ACP2: variants seen among roughly 807,000 people sequenced by gnomAD.
ACP2 encodes the protein acid phosphatase 2, lysosomal, also known as lysosomal acid phosphatase.
Under a neutral mutation model 54.7 loss-of-function variants are expected in ACP2, and 35 were observed. The observed-to-expected ratio is 0.64, with a 90% CI of 0.49 to 0.85. ACP2 has a LOEUF of 0.85. Among genes scored for constraint, ACP2 ranks in the 40% least tolerant of loss-of-function variants. ACP2 has a pLI of 0.00. For missense variants in ACP2, 492 were observed against 565.0 expected, an observed-to-expected ratio of 0.87 and a Z score of 1.31; for synonymous variants, 210 against 224.4, an observed-to-expected ratio of 0.94 and a Z score of 0.57.
Position 47,239,351 on chromosome 11 carries a change from GC to G in ACP2, c.*764del, listed in dbSNP as rs1953807564. 5.0e-6 allele frequency: 1 copy of G among 199,656 alleles called. No homozygotes were observed. Among genetic ancestry groups the G allele is most frequent in the South Asian group, 1.3e-4 (1 of 7,986 alleles). The allele number at this position is 199,656 out of a possible 1,614,324, so 12.4% of individuals were successfully genotyped here. On this transcript the variant is annotated 3_prime_UTR_variant, in exon 11 of 11. Coordinates refer to ENST00000672073, the MANE Select transcript of ACP2 (RefSeq NM_001610.4). ...TATTCATTCTCTGGGAGCTGCCCCAGCCCTATTCTGGGCCACAGTCTAGAAC... is the reference window on the plus strand; with the variant it reads ...TATTCATTCTCTGGGAGCTGCCCCAGCCTATTCTGGGCCACAGTCTAGAAC...
chr11:47,248,766 C>A lies in ACP2; in HGVS notation c.24G>T (p.Trp8Cys). 6.2e-7 allele frequency: 1 copy of A among 1,600,312 alleles called. No homozygotes were observed. The highest frequency in any genetic ancestry group is 8.5e-7 in the Non-Finnish European group (1 of 1,173,676). The change falls in exon 1 of 11, where the codon TGG becomes TGT. Residue 8 changes from tryptophan to cysteine, a missense_variant. Physicochemically the swap from Trp to Cys is radical, Grantham distance 215. Transcript: ENST00000672073. Reference protein sequence around the residue: MAGKRSGWSRAALLQLLL... With the variant: MAGKRSGCSRAALLQLLL... ...GGAGCTGGAGGAGAGCCGCCCGGCTCCAGCCGGACCGCTTGCCCGCCATCA... is the reference window on the plus strand; with the variant it reads ...GGAGCTGGAGGAGAGCCGCCCGGCTACAGCCGGACCGCTTGCCCGCCATCA...
At chr11:47,248,233 C>T in intron 1 of ACP2, 100 bp from the exon 2 acceptor site, 4 of 1,263,278 alleles carry the variant, frequency 3.2e-6, no homozygotes, top group African/African-American at 3.0e-5. Flanking sequence ...AGTCTCATTC[C>T]CTCTGGGAAG....
intron 6 of ACP2, 21 bp from the exon 7 acceptor site, chr11:47,244,888 G>A (rs765326310): frequency 6.3e-7 from 1 of 1,586,132 alleles, no homozygotes; most frequent in East Asian, 2.3e-5. Flanking sequence ...CAGCAGGCAG[G>A]TTAGCGCCCC....
chr11:47,247,766 A>T, intron 2 of ACP2, 39 bp from the exon 3 acceptor site: 1 of 1,599,706 alleles, frequency 6.3e-7, no homozygotes, highest in African/African-American at 1.3e-5. Context: ...TCTAGAGGGA[A>T]GGGGTGGCTT....
At chr11:47,248,305 TA>T in intron 1 of ACP2, 172 bp from the exon 2 acceptor site, 1 of 1,036,416 alleles carries the variant, frequency 9.6e-7, no homozygotes, top group Non-Finnish European at 1.4e-6. Flanking sequence ...CCAGAGATTC[TA>T]ACTTAGCTAA....
chr11:47,240,856 GACGAATGTGAT>G (rs1045366887), intron 10 of ACP2, among the ~76,000 whole-genome samples: 5 of 151,974 alleles, frequency 3.3e-5, no homozygotes, highest in Admixed American at 3.3e-4. Context: ...ACAGGTCAGT[GACGAATGTGAT>G]ACAGAGAGAC....
rs745500880 is a variant in ACP2, at chr11:47,242,873, G to A, written c.988C>T (p.Arg330Trp). Residue 330 changes from arginine to tryptophan, a missense_variant, in exon 10 of 11, where the codon CGG becomes TGG. Coordinates refer to ENST00000672073, the MANE Select transcript of ACP2 (RefSeq NM_001610.4). ...CAGGGGGCCTTGTCACTCTCGTTCC[G>A]AAAGTACATCTCCACTGAGAAATTC... Reference protein sequence around the residue: ...SGNFSVEMYFRNESDKAPWPL... With the variant: ...SGNFSVEMYFWNESDKAPWPL... 17 of 1,613,414 alleles carry A rather than the reference G, an allele frequency of 1.1e-5. No individual in the cohort carries two copies. Among genetic ancestry groups the A allele is most frequent in the South Asian group, 3.3e-5 (3 of 91,058 alleles).
chr11:47,247,554 T>G (rs1345184773), intron 3 of ACP2, 87 bp downstream of exon 3: 1 of 1,472,958 alleles, frequency 6.8e-7, no homozygotes, highest in African/African-American at 1.4e-5. Flanking sequence ...GAGGCCAAAG[T>G]GCCCAGCCTC....
At chr11:47,245,857 C>CGTGTGTGTGTGTGTGTGTGTGTGTGTGT in intron 3 of ACP2, 23 bp from the exon 4 acceptor site, 2 of 1,250,978 alleles carry the variant, frequency 1.6e-6, no homozygotes, top group East Asian at 5.8e-5. Context: ...CAACACAAGT[C>CGTGTGTGTGTGTGTGTGTGTGTGTGTGT]GTGTGTGTGT....
At chr11:47,245,857 CG>C in intron 3 of ACP2, 23 bp from the exon 4 acceptor site, 3 of 1,470,798 alleles carry the variant, frequency 2.0e-6, no homozygotes, top group Non-Finnish European at 2.7e-6. Flanking sequence ...CAACACAAGT[CG>C]TGTGTGTGTG....
At chr11:47,246,668 G>C (rs945395937) in intron 3 of ACP2, among the ~76,000 whole-genome samples, 28 of 152,036 alleles carry the variant, frequency 1.8e-4, no homozygotes, top group Non-Finnish European at 4.4e-5. Flanking sequence ...CTGAGGTCAG[G>C]AGTTCAAGAC....
chr11:47,248,460 C>T (rs1485955104), intron 1 of ACP2: 22 of 1,546,084 alleles, frequency 1.4e-5, no homozygotes, highest in African/African-American at 1.2e-4. Flanking sequence ...CATTCAACCA[C>T]TTCCCTGTCT....
rs376413659 is a variant in ACP2 at position 47,245,178 on chromosome 11, A to T, written c.639+127T>A. On this transcript the variant is annotated intron_variant, in intron 6 of 10. Coordinates refer to ENST00000672073, the MANE Select transcript of ACP2 (RefSeq NM_001610.4). Reference sequence around the variant, plus strand: ...CCCATGAGGGAAGTTCCCGTGTTTCACAAGCACAGCCTCCCTGGACCTCCC... The same window carrying T: ...CCCATGAGGGAAGTTCCCGTGTTTCTCAAGCACAGCCTCCCTGGACCTCCC... The T allele has an allele frequency of 1.6e-4, 183 of 1,112,160 alleles. 1 individual carries two copies. The African/African-American group carries it at 2.2e-3, about 13-fold the overall frequency. 68.9% of individuals were successfully genotyped at this position (1,112,160 alleles called of 1,614,324 possible). A position where few individuals can be genotyped will look rare whatever the true frequency, so the allele number is the denominator to read the frequency against.
chr11:47,243,393 C>T, intron 7 of ACP2, 72 bp from the exon 8 acceptor site: 1 of 1,325,682 alleles, frequency 7.5e-7, no homozygotes, highest in African/African-American at 1.5e-5. Context: ...ATCTGTGCTC[C>T]TTTCACCCTC....
Position 47,242,758 on chromosome 11 carries a change from T to G in ACP2, c.1103A>C (p.Gln368Pro). 1 of 1,613,958 alleles carries G rather than the reference T, an allele frequency of 6.2e-7. No homozygotes were observed. Among genetic ancestry groups the G allele is most frequent in the East Asian group, 2.2e-5 (1 of 44,892 alleles). The stretch of plus-strand genomic sequence containing the variant: ...AGGACCGCTTGCCAGCTGGCACTCC[T>G]GCTGCCAATCCTTGGGCACGACGGG... ...TEPVVPKDWQ[Q>P]ECQLASGPAD... Residue 368 changes from glutamine (Q) to proline (P), a missense_variant, in exon 10 of 11, where the codon CAG (glutamine) becomes CCG (proline). Gln to Pro is a moderately conservative substitution (Grantham distance 76). Coordinates refer to ENST00000672073, the MANE Select transcript of ACP2 (RefSeq NM_001610.4).
rs1466877129 is a variant in ACP2, at chr11:47,239,512, C to G, written c.*604G>C. The stretch of plus-strand genomic sequence containing the variant: ...CTCCCTACTCCCTCCCAAGTACAGA[C>G]AACCTTCCGTCCTGCTCCAGTTGAA... On this transcript the variant is annotated 3_prime_UTR_variant, in exon 11 of 11. Coordinates refer to ENST00000672073, the MANE Select transcript of ACP2 (RefSeq NM_001610.4). The G allele has an allele frequency of 6.3e-6, 1 of 159,928 alleles. No individual in the cohort carries two copies. Among genetic ancestry groups the G allele is most frequent in the South Asian group, 1.9e-4 (1 of 5,334 alleles). The allele number at this position is 159,928 out of a possible 1,614,324, so 9.9% of individuals were successfully genotyped here. A position where few individuals can be genotyped will look rare whatever the true frequency, so the allele number is the denominator to read the frequency against.
rs867442129 is a variant in ACP2, at chr11:47,248,714, G to A, written c.76C>T (p.Pro26Ser). ...CGCAGACTCCGGGCCCGGGTGGGCG[G>A]CATCACCACCAGGTTCACGCCGAGA... ...LLLGVNLVVMPPTRARSLRFV... is the reference protein window; with the variant it reads ...LLLGVNLVVMSPTRARSLRFV... Residue 26 changes from proline to serine, a missense_variant, in exon 1 of 11, where the codon CCG becomes TCG. Coordinates refer to ENST00000672073, the MANE Select transcript of ACP2 (RefSeq NM_001610.4). 2 of 1,611,650 alleles carry A rather than the reference G, an allele frequency of 1.2e-6. No homozygotes were observed. The highest frequency in any genetic ancestry group is 1.7e-6 in the Non-Finnish European group (2 of 1,179,104).
intron 10 of ACP2, 119 bp from the exon 11 acceptor site, chr11:47,240,368 T>C: frequency 4.9e-6 from 3 of 614,078 alleles, no homozygotes; most frequent in Non-Finnish European, 8.9e-6. Flanking sequence ...TCTCATGGAG[T>C]TTACATTCTA....
chr11:47,243,430 A>C, intron 7 of ACP2, 109 bp from the exon 8 acceptor site: 2 of 837,240 alleles, frequency 2.4e-6, no homozygotes, highest in Non-Finnish European at 1.9e-6. Flanking sequence ...CATCACCTAC[A>C]CGGAGAACTC....
Sources: allele counts gnomAD v4.1 joint callset (sites outside exome capture counted in the v4.1 genomes callset), GRCh38; gene constraint gnomAD v4.1.1; transcripts MANE v1.5; gene names NCBI Gene and HGNC (gene_info 2026-07-23, HGNC 2026-07-21).